PKHD1L1: variants seen among roughly 807,000 people sequenced by gnomAD.
PKHD1L1 encodes the protein PKHD1 like 1.
In PKHD1L1, 434 loss-of-function variants were observed where a neutral mutation model predicts 462.9. The observed-to-expected ratio is 0.94, with a 90% CI of 0.87 to 1.02. PKHD1L1 has a LOEUF of 1.02. Ranked by LOEUF, PKHD1L1 falls within the 50% of genes least tolerant of loss-of-function variation. The pLI, the probability that PKHD1L1 is intolerant of heterozygous loss-of-function variation, is 0.00. For missense variants in PKHD1L1, 5,202 were observed against 5,096.1 expected (o/e 1.02, Z -0.63); for synonymous variants, 1,781 against 1,750.0 (o/e 1.02, Z -0.44).
At chr8:109,365,389 T>TTATATATATATGTTATATA (rs1384377878) in intron 2 of PKHD1L1, among the ~76,000 whole-genome samples, 27 of 152,276 alleles carry the variant, frequency 1.8e-4, no homozygotes, top group African/African-American at 6.5e-4. Flanking sequence ...AATTATTTTG[T>TTATATATATATGTTATATA]TATATAATGT....
At chr8:109,416,866 A>G (rs1814201938) in intron 21 of PKHD1L1, among the ~76,000 whole-genome samples, 2 of 152,160 alleles carry the variant, frequency 1.3e-5, no homozygotes, top group Admixed American at 6.5e-5. Context: ...TCTGAGGTAC[A>G]TTTTCAACAG....
At chr8:109,466,394 A>G (rs1817439116) in intron 49 of PKHD1L1, among the ~76,000 whole-genome samples, 184 bp from the exon 50 acceptor site, 1 of 152,158 alleles carries the variant, frequency 6.6e-6, no homozygotes, top group Non-Finnish European at 1.5e-5. Flanking sequence ...ATTCCTGACC[A>G]AAGAGCCACT....
At chr8:109,514,030 C>A (rs900102473) in intron 71 of PKHD1L1, among the ~76,000 whole-genome samples, 1 of 152,128 alleles carries the variant, frequency 6.6e-6, no homozygotes, top group Non-Finnish European at 1.5e-5. Context: ...GAGTCAGAAT[C>A]CTCACCATGG....
rs190232421 is a variant in PKHD1L1, at chr8:109,510,844, T to G, written c.11463T>G (p.Ile3821Met). 2 of 1,613,366 alleles carry G rather than the reference T, an allele frequency of 1.2e-6. No homozygotes were observed. Among genetic ancestry groups the G allele is most frequent in the Admixed American group, 1.7e-5 (1 of 59,908 alleles). ...GAAGGCTGTCCCTGTTTCACAGCATTGTGGCTCTGAACAAATCTTATGAAG... is the reference window on the plus strand; with the variant it reads ...GAAGGCTGTCCCTGTTTCACAGCATGGTGGCTCTGAACAAATCTTATGAAG... ...CQRRLSLFHSIVALNKSYEVY... is the reference protein window; with the variant it reads ...CQRRLSLFHSMVALNKSYEVY... Residue 3821 changes from isoleucine to methionine, a missense_variant, in exon 71 of 78, where the codon ATT becomes ATG. Around this residue, in one of 3 missense-constraint regions of PKHD1L1, gnomAD observed 698 missense variants for 736.3 expected, o/e 0.95. Transcript: ENST00000378402.
intron 2 of PKHD1L1, among the ~76,000 whole-genome samples, chr8:109,374,952 C>T (rs550174908): frequency 2.0e-4 from 31 of 152,324 alleles, no homozygotes; most frequent in African/African-American, 7.2e-4. Context: ...TTCATTTCAA[C>T]TTTGGTGAAT....
intron 71 of PKHD1L1, among the ~76,000 whole-genome samples, chr8:109,512,505 T>C (rs1820045204): frequency 6.6e-6 from 1 of 152,178 alleles, no homozygotes; most frequent in South Asian, 2.1e-4. Flanking sequence ...CAGATAGTTG[T>C]AGATATGCGG....
chr8:109,362,585 G>A lies in PKHD1L1; in HGVS notation c.5G>A (p.Gly2Glu), dbSNP rs1454886924. The change falls in exon 1 of 78, where the codon GGA (glycine) becomes GAA (glutamate). Residue 2 changes from glycine to glutamate, a missense_variant. Gly to Glu is a moderately conservative substitution (Grantham distance 98). This residue lies in a region of PKHD1L1 where 4,497 missense variants were observed against 4,336.8 expected (regional missense o/e 1.04). Coordinates refer to ENST00000378402, the MANE Select transcript of PKHD1L1 (RefSeq NM_177531.6). M[G>E]HLWLLGIWGL... Reference sequence around the variant, plus strand: ...CTCCGCAGAACTGGCTTTTCAATGGGACACCTGTGGCTCCTGGGTATTTGG... The same window carrying A: ...CTCCGCAGAACTGGCTTTTCAATGGAACACCTGTGGCTCCTGGGTATTTGG... 6.2e-7 allele frequency: 1 copy of A among 1,608,182 alleles called. No homozygotes were observed. Among genetic ancestry groups the A allele is most frequent in the South Asian group, 1.1e-5 (1 of 89,412 alleles).
At chr8:109,497,406 C>A in intron 65 of PKHD1L1, 134 bp downstream of exon 65, 1 of 1,031,428 alleles carries the variant, frequency 9.7e-7, no homozygotes. Flanking sequence ...TTTGTTCCCA[C>A]TGCCCTCTGC....
chr8:109,434,031 A>G (rs1815256143), intron 28 of PKHD1L1, among the ~76,000 whole-genome samples: 1 of 152,072 alleles, frequency 6.6e-6, no homozygotes, highest in East Asian at 1.9e-4. Flanking sequence ...CAAACACCAG[A>G]TGTTCTCACT....
At chr8:109,430,541 A>G (rs1158813631) in intron 27 of PKHD1L1, among the ~76,000 whole-genome samples, 1 of 152,234 alleles carries the variant, frequency 6.6e-6, no homozygotes, top group African/African-American at 2.4e-5. Flanking sequence ...TCTAAGGAAC[A>G]CATTATGCCA....
intron 50 of PKHD1L1, among the ~76,000 whole-genome samples, chr8:109,474,388 G>T (rs905096576): frequency 1.3e-5 from 2 of 152,092 alleles, no homozygotes; most frequent in African/African-American, 4.8e-5. Flanking sequence ...TTCTATTAAA[G>T]CTATCAGGCA....
At chr8:109,403,516 A>G (rs1813377692) in intron 14 of PKHD1L1, among the ~76,000 whole-genome samples, 2 of 152,314 alleles carry the variant, frequency 1.3e-5, no homozygotes, top group South Asian at 4.1e-4. Context: ...TAGCACAAAG[A>G]AAGTGCCCAA....
intron 21 of PKHD1L1, among the ~76,000 whole-genome samples, chr8:109,415,810 T>C (rs1814121994): frequency 6.9e-6 from 1 of 145,430 alleles, no homozygotes; most frequent in East Asian, 2.0e-4. Context: ...ATTGTGACAC[T>C]GCACTCCAGC....
Position 109,435,299 on chromosome 8 carries a change from C to A in PKHD1L1, c.3450C>A (p.Tyr1150Ter), listed in dbSNP as rs1259871643. 5.0e-6 allele frequency: 8 copies of A among 1,613,728 alleles called. No individual in the cohort carries two copies. Among genetic ancestry groups the A allele is most frequent in the Non-Finnish European group, 5.9e-6 (7 of 1,179,792 alleles). ...LAQNVGGEEF[Y>*]FVYQSQISHI... ...AGAATGTAGGGGGTGAAGAGTTCTA[C>A]TTTGTTTATCAGAGTCAGATCTCAC... Residue 1150 changes from tyrosine to a stop codon, truncating the protein, a stop_gained, in exon 29 of 78, where the codon TAC (tyrosine) becomes TAA (stop). Transcript: ENST00000378402. LOFTEE classifies it high-confidence loss of function.
At chr8:109,451,171 G>A (rs370252480) in intron 41 of PKHD1L1, 22 bp downstream of exon 41, 77 of 1,568,972 alleles carry the variant, frequency 4.9e-5, no homozygotes, top group African/African-American at 1.8e-4. Flanking sequence ...ACACAAACAC[G>A]CATCATTGTG....
intron 11 of PKHD1L1, among the ~76,000 whole-genome samples, chr8:109,397,096 A>G (rs1424085444): frequency 1.3e-5 from 2 of 152,182 alleles, no homozygotes; most frequent in African/African-American, 4.8e-5. Flanking sequence ...CCAGGGCCAT[A>G]ATGTACTTTT....
At chr8:109,492,125 AT>A (rs371007060) in intron 62 of PKHD1L1, 131 bp downstream of exon 62, 17,763 of 486,326 alleles carry the variant, frequency 0.037, 12 homozygotes, top group Middle Eastern at 0.058. Flanking sequence ...ATGGCCATTG[AT>A]TTTTTTTTTT....
chr8:109,465,724 GAAGA>G (rs1461694942), intron 49 of PKHD1L1, among the ~76,000 whole-genome samples: 1 of 152,056 alleles, frequency 6.6e-6, no homozygotes, highest in Non-Finnish European at 1.5e-5. Flanking sequence ...ACTTTTAAGA[GAAGA>G]AATAAGTCAC....
intron 12 of PKHD1L1, among the ~76,000 whole-genome samples, chr8:109,399,779 C>T (rs984764344): frequency 1.3e-5 from 2 of 151,982 alleles, no homozygotes; most frequent in Non-Finnish European, 2.9e-5. Flanking sequence ...TTTTTAAATG[C>T]CAGCTGTTTT....
Sources: gnomAD v4.1 joint callset for allele counts (sites outside exome capture counted in the v4.1 genomes callset) on GRCh38, gnomAD v4.1.1 for gene constraint, gnomAD v4.1.1 regional missense constraint, MANE v1.5 for transcripts, NCBI Gene and HGNC (gene_info 2026-07-23, HGNC 2026-07-21) for gene names.